Variants in PSD3 observed in about 807,000 individuals in gnomAD.
PSD3 encodes the protein PH and SEC7 domain-containing protein 3.
In PSD3, 49 loss-of-function variants were observed where a neutral mutation model predicts 105.5. That is an observed-to-expected ratio of 0.46 (90% CI 0.37 to 0.59). The LOEUF is 0.59. Among genes scored for constraint, PSD3 ranks in the 20% least tolerant of loss-of-function variants. The pLI is 0.00. For missense variants in PSD3, 1,561 were observed against 1,263.8 expected (o/e 1.24, Z -3.57); for synonymous variants, 557 against 457.8 (o/e 1.22, Z -2.77).
chr8:18,805,616 C>T (rs1220754173), intron 4 of PSD3, among the ~76,000 whole-genome samples: 1 of 152,132 alleles, frequency 6.6e-6, no homozygotes, highest in Non-Finnish European at 1.5e-5. Context: ...ATATTAAAAT[C>T]TATCTTATAC....
At chr8:18,826,542 T>G (rs924667946) in intron 4 of PSD3, among the ~76,000 whole-genome samples, 2 of 152,214 alleles carry the variant, frequency 1.3e-5, no homozygotes, top group South Asian at 2.1e-4. Flanking sequence ...TTCCTCAAGA[T>G]CTTTTGTATC....
chr8:18,928,084 G>C (rs777520738), intron 2 of PSD3, among the ~76,000 whole-genome samples: 3 of 152,112 alleles, frequency 2.0e-5, no homozygotes, highest in Non-Finnish European at 2.9e-5. Context: ...AAGCCAAAAA[G>C]GAAAAGCAAC....
intron 4 of PSD3, among the ~76,000 whole-genome samples, chr8:18,835,625 G>A (rs544920921): frequency 2.0e-5 from 3 of 152,226 alleles, no homozygotes; most frequent in African/African-American, 7.2e-5. Flanking sequence ...GAAACCGTGA[G>A]AGGAAAAGAG....
At chr8:18,926,112 G>GTTT (rs113558247) in intron 2 of PSD3, among the ~76,000 whole-genome samples, 1 of 143,944 alleles carries the variant, frequency 6.9e-6, no homozygotes, top group East Asian at 2.0e-4. Flanking sequence ...ATGGTATGTT[G>GTTT]TTTTTTTTTT....
intron 12 of PSD3, among the ~76,000 whole-genome samples, chr8:18,586,238 G>A (rs1424852896): frequency 6.6e-6 from 1 of 152,176 alleles, no homozygotes; most frequent in East Asian, 1.9e-4. Context: ...AGTAGTGAAA[G>A]AGGTTGAGCG....
chr8:19,075,064 G>A (rs1474674563), intron 1 of PSD3, among the ~76,000 whole-genome samples: 1 of 151,840 alleles, frequency 6.6e-6, no homozygotes, highest in Non-Finnish European at 1.5e-5. Flanking sequence ...TCCTGCCTCG[G>A]CCTCCCAAGT....
At chr8:18,724,485 C>T (rs1237234021) in intron 9 of PSD3, among the ~76,000 whole-genome samples, 1 of 151,924 alleles carries the variant, frequency 6.6e-6, no homozygotes, top group East Asian at 1.9e-4. Context: ...TGGTGTGAAC[C>T]TGTAATCCCA....
intron 9 of PSD3, among the ~76,000 whole-genome samples, chr8:18,681,972 T>A (rs922853995): frequency 1.3e-5 from 2 of 150,994 alleles, no homozygotes; most frequent in African/African-American, 4.9e-5. Context: ...TGGCCTTTTA[T>A]ACTGTTAACT....
chr8:18,790,382 A>T (rs1206928391), intron 8 of PSD3, among the ~76,000 whole-genome samples: 1 of 147,664 alleles, frequency 6.8e-6, no homozygotes, highest in Non-Finnish European at 1.5e-5. Flanking sequence ...GGCTCACTGC[A>T]AGCTCTGCTT....
chr8:18,605,873 C>T (rs1031038054), intron 11 of PSD3, among the ~76,000 whole-genome samples: 1 of 152,148 alleles, frequency 6.6e-6, no homozygotes, highest in Admixed American at 6.5e-5. Context: ...GGTGCTCCCC[C>T]TTTACCTTCC....
chr8:18,834,730 C>T (rs530174760), intron 4 of PSD3, among the ~76,000 whole-genome samples: 5 of 152,042 alleles, frequency 3.3e-5, no homozygotes, highest in African/African-American at 7.2e-5. Context: ...GGAACAAAGA[C>T]GCCATGAAAA....
At chr8:18,816,965 T>C (rs1812268850) in intron 4 of PSD3, among the ~76,000 whole-genome samples, 3 of 152,028 alleles carry the variant, frequency 2.0e-5, no homozygotes, top group Admixed American at 1.3e-4. Context: ...GAGTAGAAAA[T>C]AGAAGGAACT....
intron 13 of PSD3, among the ~76,000 whole-genome samples, chr8:18,573,524 T>C (rs1802277846): frequency 1.3e-5 from 2 of 151,868 alleles, no homozygotes; most frequent in African/African-American, 4.8e-5. Context: ...TATAGCATCA[T>C]CATTCCTGAG....
In PSD3 at chr8:18,582,464, C is replaced by T. The variant is rs191469717; in HGVS notation, c.2482-7179G>A. The stretch of plus-strand genomic sequence containing the variant: ...AGGCTCCTCCTCCTTTCTCTTCCTC[C>T]TAGGGCACATATGAGTATATGGTCC... On this transcript the variant is annotated intron_variant, in intron 12 of 15. Coordinates refer to ENST00000327040, the MANE Select transcript of PSD3 (RefSeq NM_015310.4). 1.4e-3 allele frequency among the ~76,000 whole-genome samples: 206 copies of T among 152,226 alleles called. 2 individuals are homozygous for T. The highest frequency in any genetic ancestry group is 1.8e-3 in the Admixed American group (28 of 15,296).
At chr8:18,545,398 T>C (rs1391424588) in intron 15 of PSD3, among the ~76,000 whole-genome samples, 1 of 152,100 alleles carries the variant, frequency 6.6e-6, no homozygotes, top group Non-Finnish European at 1.5e-5. Flanking sequence ...GTTTTGACTA[T>C]AGCTGAGTAT....
In PSD3 at chr8:18,765,500, T is replaced by C. The variant is rs1563240009; in HGVS notation, c.2121A>G (p.Ala707=). The change falls in exon 9 of 16, where the codon GCA becomes GCG. Residue 707 remains alanine (A), a synonymous_variant. Transcript: ENST00000327040. ...GKKMTCQEFI[A]NLQGVNEGVD... is the part of the protein sequence containing the mutation. ...CACCCTCATTTACCCCTTGCAGATT[T>C]GCAATGAACTCCTGACAGGTCATCT... is the stretch of plus-strand genomic sequence containing the variant. 2 of 1,613,064 alleles carry C rather than the reference T, an allele frequency of 1.2e-6. No homozygotes were observed. Among genetic ancestry groups the C allele is most frequent in the Admixed American group, 1.7e-5 (1 of 60,028 alleles).
At chr8:18,616,223 G>C (rs1805652084) in intron 11 of PSD3, among the ~76,000 whole-genome samples, 1 of 152,236 alleles carries the variant, frequency 6.6e-6, no homozygotes, top group South Asian at 2.1e-4. Context: ...TCCCAACTCA[G>C]ACCACGTTTC....
At chr8:18,629,371 T>C (rs1295921837) in intron 11 of PSD3, among the ~76,000 whole-genome samples, 2 of 151,958 alleles carry the variant, frequency 1.3e-5, no homozygotes, top group African/African-American at 4.8e-5. Context: ...TGAAAAGAAA[T>C]GAAAACATAT....
intron 9 of PSD3, among the ~76,000 whole-genome samples, chr8:18,699,350 G>A (rs1801441263): frequency 1.3e-5 from 2 of 152,208 alleles, no homozygotes; most frequent in Admixed American, 6.5e-5. Flanking sequence ...TGACAACCAT[G>A]TAAACAAGAA....
Sources: gnomAD v4.1 joint callset for allele counts (sites outside exome capture counted in the v4.1 genomes callset) on GRCh38, gnomAD v4.1.1 for gene constraint, MANE v1.5 for transcripts, NCBI Gene and HGNC (gene_info 2026-07-23, HGNC 2026-07-21) for gene names.